Variants in ACCSL observed in about 807,000 individuals in gnomAD.
ACCSL encodes 1-aminocyclopropane-1-carboxylate synthase homolog (inactive) like.
In ACCSL, 55 loss-of-function variants were observed where a neutral mutation model predicts 61.7. The observed-to-expected ratio is 0.89, with a 90% CI of 0.72 to 1.12. The LOEUF (loss-of-function observed/expected upper bound fraction) is 1.12. Ranked by LOEUF, ACCSL falls within the 50% of genes most tolerant of loss-of-function variation. The pLI, the probability that ACCSL is intolerant of heterozygous loss-of-function variation, is 0.00. For missense variants in ACCSL, 632 were observed against 698.0 expected, an observed-to-expected ratio of 0.91 and a Z score of 1.07; for synonymous variants, 258 against 264.3, an observed-to-expected ratio of 0.98 and a Z score of 0.23.
chr11:44,020,950 C>T, the ACCSL span, among the ~76,000 whole-genome samples: 1 of 151,940 alleles, frequency 6.6e-6, no homozygotes, highest in Admixed American at 6.6e-5. Context: ...GCTGCAAATG[C>T]CATTATTTCA....
chr11:43,928,114 G>A, the ACCSL span, among the ~76,000 whole-genome samples: 15 of 152,284 alleles, frequency 9.9e-5, no homozygotes, highest in African/African-American at 3.6e-4. Context: ...CAGCTGAAAG[G>A]CTGATGAGCA....
At chr11:43,983,480 A>C in the ACCSL span, among the ~76,000 whole-genome samples, 4 of 152,144 alleles carry the variant, frequency 2.6e-5, no homozygotes, top group Non-Finnish European at 5.9e-5. Context: ...CCTGAAGGGC[A>C]AGGGTAGGAA....
the ACCSL span, among the ~76,000 whole-genome samples, chr11:43,928,330 G>T: frequency 2.6e-4 from 39 of 152,252 alleles, no homozygotes; most frequent in Middle Eastern, 3.4e-3. Context: ...ATTTTCTAGT[G>T]CTGGTAACAC....
intron 5 of ACCSL, 68 bp from the exon 6 acceptor site, chr11:44,052,594 G>C: frequency 3.0e-6 from 4 of 1,350,224 alleles, no homozygotes; most frequent in Non-Finnish European, 4.2e-6. Context: ...TTGCTAGTTT[G>C]GGGAGCCTGG....
chr11:43,942,827 C>T, the ACCSL span: 8 of 1,090,084 alleles, frequency 7.3e-6, no homozygotes, highest in African/African-American at 1.0e-4. Flanking sequence ...TGCTGCCTCC[C>T]GGGGGGCCCC....
At chr11:43,926,459 C>T in the ACCSL span, 2 of 455,526 alleles carry the variant, frequency 4.4e-6, no homozygotes, top group Non-Finnish European at 8.8e-6. Context: ...GTACAGAACG[C>T]CTTGGCCTGC....
the ACCSL span, among the ~76,000 whole-genome samples, chr11:43,994,435 G>C: frequency 6.6e-6 from 1 of 152,114 alleles, no homozygotes; most frequent in Non-Finnish European, 1.5e-5. Context: ...TTATTCAATA[G>C]GGTTGGAATG....
the ACCSL span, among the ~76,000 whole-genome samples, chr11:43,955,414 C>G: frequency 9.3e-3 from 1,417 of 152,310 alleles, 12 homozygotes; most frequent in Non-Finnish European, 0.014. Context: ...GTGGGATCTT[C>G]CTGACCACTG....
chr11:43,937,948 CTCTCTGGTT>C, the ACCSL span, among the ~76,000 whole-genome samples: 1 of 152,148 alleles, frequency 6.6e-6, no homozygotes, highest in Admixed American at 6.6e-5. Flanking sequence ...GTTCCAGAAT[CTCTCTGGTT>C]ATTGCTCTTC....
chr11:43,968,427 T>TAAG, the ACCSL span, among the ~76,000 whole-genome samples: 1 of 152,146 alleles, frequency 6.6e-6, no homozygotes, highest in African/African-American at 2.4e-5. Context: ...GTGAAACCTT[T>TAAG]GCTTTTGCCC....
intron 13 of ACCSL, among the ~76,000 whole-genome samples, chr11:44,059,031 A>G (rs1952690137): frequency 6.6e-6 from 1 of 152,134 alleles, no homozygotes; most frequent in Non-Finnish European, 1.5e-5. Flanking sequence ...TCATGAGGTC[A>G]GGAGTTCCAG....
the ACCSL span, among the ~76,000 whole-genome samples, chr11:43,931,463 C>A: frequency 2.6e-5 from 4 of 152,214 alleles, no homozygotes; most frequent in Admixed American, 1.3e-4. Context: ...CACTGAACCC[C>A]TCCCTGGGCA....
At chr11:44,034,496 A>G in the ACCSL span, among the ~76,000 whole-genome samples, 1 of 152,234 alleles carries the variant, frequency 6.6e-6, no homozygotes, top group Non-Finnish European at 1.5e-5. Context: ...ACAGTTCCAC[A>G]TGGCCGAGGA....
chr11:44,000,261 A>G, the ACCSL span, among the ~76,000 whole-genome samples: 30 of 152,070 alleles, frequency 2.0e-4, no homozygotes, highest in South Asian at 1.7e-3. Flanking sequence ...AGTAGCTGGG[A>G]TTACAGGCAT....
the ACCSL span, among the ~76,000 whole-genome samples, chr11:44,021,276 C>G: frequency 6.6e-6 from 1 of 152,166 alleles, no homozygotes; most frequent in Non-Finnish European, 1.5e-5. Flanking sequence ...TCCATGCCAA[C>G]ATCTATTATG....
the ACCSL span, among the ~76,000 whole-genome samples, chr11:43,996,991 T>G: frequency 6.6e-6 from 1 of 152,006 alleles, no homozygotes; most frequent in African/African-American, 2.4e-5. Context: ...TTTTTTATTT[T>G]TAGTAGAGAC....
intron 11 of ACCSL, among the ~76,000 whole-genome samples, chr11:44,056,772 C>T (rs1335657435): frequency 1.3e-5 from 2 of 152,156 alleles, no homozygotes; most frequent in East Asian, 3.9e-4. Context: ...GCAGAGATTG[C>T]AGTGAGCCAA....
At chr11:44,053,787 GGGA>G (rs1293719596) in intron 8 of ACCSL, among the ~76,000 whole-genome samples, 3 of 152,142 alleles carry the variant, frequency 2.0e-5, no homozygotes, top group African/African-American at 7.2e-5. Context: ...GCTTGAGCCC[GGGA>G]GGAGGAGGTT....
chr11:43,970,287 C>T, the ACCSL span, among the ~76,000 whole-genome samples: 45 of 152,268 alleles, frequency 3.0e-4, no homozygotes, highest in Non-Finnish European at 5.6e-4. Context: ...CTCCCTGCAG[C>T]CTCGACCTCC....
Sources: allele counts gnomAD v4.1 joint callset (sites outside exome capture counted in the v4.1 genomes callset), GRCh38; gene constraint gnomAD v4.1.1; transcripts MANE v1.5; gene names NCBI Gene and HGNC (gene_info 2026-07-23, HGNC 2026-07-21).